The following CNTN6 variants were observed in gnomAD, a reference collection of about 807,000 sequenced individuals.
CNTN6 encodes contactin 6.
Under a neutral mutation model 122.8 loss-of-function variants are expected in CNTN6, and 137 were observed. The observed-to-expected ratio is 1.12, with a 90% CI of 0.97 to 1.29. The LOEUF (loss-of-function observed/expected upper bound fraction) is 1.29, where lower values mean the gene tolerates loss of function less well. Among genes scored for constraint, CNTN6 ranks in the 50% most tolerant of loss-of-function variants. The pLI, the probability that CNTN6 is intolerant of heterozygous loss-of-function variation, is 0.00. For missense variants in CNTN6, 1,634 were observed against 1,223.4 expected (o/e 1.34, Z -5.01); for synonymous variants, 570 against 426.0 (o/e 1.34, Z -4.16).
At chr3:1,389,704 G>C (rs1693800709) in intron 20 of CNTN6, among the ~76,000 whole-genome samples, 1 of 151,062 alleles carries the variant, frequency 6.6e-6, no homozygotes, top group African/African-American at 2.4e-5. Context: ...GGCTCAAAAG[G>C]ATGGAGGAAG....
chr3:1,138,393 T>C (rs115705809), intron 1 of CNTN6, among the ~76,000 whole-genome samples: 1,875 of 152,262 alleles, frequency 0.012, 46 homozygotes, highest in African/African-American at 0.042. Flanking sequence ...AAGCCACTTT[T>C]ACTCACTCTA....
At chr3:1,189,028 A>C (rs1438553851) in intron 2 of CNTN6, among the ~76,000 whole-genome samples, 1 of 152,178 alleles carries the variant, frequency 6.6e-6, no homozygotes, top group Non-Finnish European at 1.5e-5. Context: ...AGATTGAAAA[A>C]GGCATTTGCT....
intron 4 of CNTN6, among the ~76,000 whole-genome samples, chr3:1,276,499 A>G (rs1484420281): frequency 6.6e-6 from 1 of 152,204 alleles, no homozygotes; most frequent in Non-Finnish European, 1.5e-5. Context: ...TTGTACGTAC[A>G]TAGCTCACGA....
chr3:1,354,522 C>T (rs1366226305), intron 12 of CNTN6, among the ~76,000 whole-genome samples: 1 of 151,400 alleles, frequency 6.6e-6, no homozygotes, highest in Admixed American at 6.6e-5. Context: ...TATCTTCTTA[C>T]GAACTGTATA....
chr3:1,363,224 G>A (rs1707733506), intron 12 of CNTN6, among the ~76,000 whole-genome samples: 1 of 151,860 alleles, frequency 6.6e-6, no homozygotes, highest in African/African-American at 2.4e-5. Context: ...TGCCTCTTTT[G>A]TGTGTGTCTC....
intron 1 of CNTN6, among the ~76,000 whole-genome samples, chr3:1,111,942 A>C (rs892612448): frequency 1.3e-5 from 2 of 152,142 alleles, no homozygotes; most frequent in Non-Finnish European, 2.9e-5. Context: ...TTTTTAAAGC[A>C]TCCTGTAAGT....
chr3:1,094,176 T>C (rs998969649), intron 1 of CNTN6, among the ~76,000 whole-genome samples: 3 of 152,168 alleles, frequency 2.0e-5, no homozygotes, highest in African/African-American at 7.2e-5. Flanking sequence ...ATCTGATGGG[T>C]TTATCATCTT....
intron 12 of CNTN6, among the ~76,000 whole-genome samples, chr3:1,365,116 A>G (rs187456338): frequency 2.0e-5 from 3 of 152,132 alleles, no homozygotes; most frequent in East Asian, 1.9e-4. Flanking sequence ...AAGCACACAC[A>G]GAAGTAGAGG....
intron 1 of CNTN6, among the ~76,000 whole-genome samples, chr3:1,100,829 C>CA (rs1360537659): frequency 6.6e-6 from 1 of 151,996 alleles, no homozygotes; most frequent in African/African-American, 2.4e-5. Flanking sequence ...CTTAAGCTCT[C>CA]AAAAAAATTT....
intron 2 of CNTN6, among the ~76,000 whole-genome samples, chr3:1,158,651 C>T (rs749037703): frequency 4.0e-5 from 6 of 151,396 alleles, no homozygotes; most frequent in Non-Finnish European, 7.4e-5. Flanking sequence ...TAGCTCACTG[C>T]ACCCTCAAAT....
intron 2 of CNTN6, among the ~76,000 whole-genome samples, chr3:1,161,845 ATTTT>A (rs2093141899): frequency 6.6e-6 from 1 of 151,282 alleles, no homozygotes; most frequent in Non-Finnish European, 1.5e-5. Flanking sequence ...GTAGATATAT[ATTTT>A]CTATACATGT....
At chr3:1,210,425 GA>G (rs67994490) in intron 2 of CNTN6, among the ~76,000 whole-genome samples, 1,980 of 52,162 alleles carry the variant, frequency 0.038, 39 homozygotes, top group African/African-American at 0.18. Flanking sequence ...AAAAAGGAAA[GA>G]AAAAAAAAAG....
chr3:1,179,151 T>C (rs550865750), intron 2 of CNTN6, among the ~76,000 whole-genome samples: 1 of 152,182 alleles, frequency 6.6e-6, no homozygotes, highest in African/African-American at 2.4e-5. Context: ...AGGCTCGTTT[T>C]AAACAACCAA....
At chr3:1,198,029 T>A (rs1186539977) in intron 2 of CNTN6, among the ~76,000 whole-genome samples, 1 of 152,198 alleles carries the variant, frequency 6.6e-6, no homozygotes, top group Non-Finnish European at 1.5e-5. Flanking sequence ...TCCACTGGAC[T>A]TTGTGAGATG....
intron 17 of CNTN6, among the ~76,000 whole-genome samples, chr3:1,380,367 GGTTT>G (rs1710484783): frequency 6.6e-6 from 1 of 151,898 alleles, no homozygotes; most frequent in Non-Finnish European, 1.5e-5. Flanking sequence ...GTTTTGATTT[GGTTT>G]GTTTCCAAAA....
At chr3:1,236,601 A>C (rs4063467) in intron 4 of CNTN6, among the ~76,000 whole-genome samples, 108,786 of 152,004 alleles carry the variant, frequency 0.72, 40,719 homozygotes, top group African/African-American at 0.92. Context: ...AATCCCAGAT[A>C]TTCCCTCTGA....
intron 2 of CNTN6, among the ~76,000 whole-genome samples, chr3:1,174,819 C>T (rs1451606334): frequency 6.6e-6 from 1 of 152,200 alleles, no homozygotes; most frequent in Non-Finnish European, 1.5e-5. Flanking sequence ...ACAAAGCTGA[C>T]ATTGCCCCAA....
chr3:1,132,563 A>C (rs1197408968), intron 1 of CNTN6, among the ~76,000 whole-genome samples: 1 of 151,980 alleles, frequency 6.6e-6, no homozygotes, highest in African/African-American at 2.4e-5. Context: ...TGTTTGGGGC[A>C]GGAGGATCAT....
At chr3:1,193,628 G>A (rs1347489453) in intron 2 of CNTN6, among the ~76,000 whole-genome samples, 1 of 151,788 alleles carries the variant, frequency 6.6e-6, no homozygotes, top group Admixed American at 6.6e-5. Flanking sequence ...GTTTCTCTGG[G>A]CCTCCATTTT....
Sources: allele counts gnomAD v4.1 joint callset (sites outside exome capture counted in the v4.1 genomes callset), GRCh38; gene constraint gnomAD v4.1.1; transcripts MANE v1.5; gene names NCBI Gene and HGNC (gene_info 2026-07-23, HGNC 2026-07-21).